TENM4: variants seen among roughly 807,000 people sequenced by gnomAD.
TENM4 encodes the protein teneurin transmembrane protein 4.
TENM4 carries 82 observed loss-of-function variants against 243.3 expected under a neutral mutation model. The observed-to-expected ratio is 0.34, with a 90% CI of 0.28 to 0.40. TENM4 has a LOEUF of 0.40. Among genes scored for constraint, TENM4 ranks in the 10% least tolerant of loss-of-function variants. TENM4 has a pLI of 1.00. For missense variants in TENM4, 3,138 were observed against 3,673.3 expected, an observed-to-expected ratio of 0.85 and a Z score of 3.77; for synonymous variants, 1,412 against 1,456.3, an observed-to-expected ratio of 0.97 and a Z score of 0.69.
At chr11:78,842,266 C>T (rs1235916239) in intron 12 of TENM4, among the ~76,000 whole-genome samples, 1 of 152,202 alleles carries the variant, frequency 6.6e-6, no homozygotes, top group Non-Finnish European at 1.5e-5. Context: ...AACTCAATGC[C>T]TCTCCCTTAC....
rs61213823 is a variant in TENM4, at chr11:79,298,119, A to G, written c.-320-576T>C. On this transcript the variant is annotated intron_variant, in intron 1 of 33. Coordinates refer to ENST00000278550, the MANE Select transcript of TENM4 (RefSeq NM_001098816.3). Reference sequence around the variant, plus strand: ...CCCATCCTTTTCATCAGTTTCTCCAAGGCCTTTCCAGGTGTGTGGTCAGGT... The same window carrying G: ...CCCATCCTTTTCATCAGTTTCTCCAGGGCCTTTCCAGGTGTGTGGTCAGGT... 1.7e-4 allele frequency among the ~76,000 whole-genome samples: 26 copies of G among 152,186 alleles called. No homozygotes were observed. The East Asian group carries it at 4.9e-3, about 28-fold the overall frequency.
chr11:78,721,319 C>T lies in TENM4; in HGVS notation c.3801-929G>A, dbSNP rs139926844. Among the ~76,000 whole-genome samples, 800 of 152,298 alleles carry T rather than the reference C, an allele frequency of 5.3e-3. 12 individuals are homozygous for T. The highest frequency in any genetic ancestry group is 0.018 in the African/African-American group (763 of 41,546). Reference sequence around the variant, plus strand: ...TATCTGATTTCCTATGAACCTACCGCGTGTGTGCTTGTCTGGCCCTGTGTG... The same window carrying T: ...TATCTGATTTCCTATGAACCTACCGTGTGTGTGCTTGTCTGGCCCTGTGTG... On this transcript the variant is annotated intron_variant, in intron 24 of 33. Coordinates refer to ENST00000278550, the MANE Select transcript of TENM4 (RefSeq NM_001098816.3).
At chr11:78,817,944 T>C (rs1386565188) in intron 12 of TENM4, among the ~76,000 whole-genome samples, 2 of 152,174 alleles carry the variant, frequency 1.3e-5, no homozygotes, top group African/African-American at 2.4e-5. Flanking sequence ...CTGGACATCT[T>C]ACACAGGCTA....
intron 5 of TENM4, 81 bp downstream of exon 5, chr11:79,069,641 G>T: frequency 6.8e-7 from 1 of 1,462,396 alleles, no homozygotes. Flanking sequence ...ACGCCCACCT[G>T]CGCCACGCCC....
At chr11:78,908,822 C>A (rs1856120107) in intron 6 of TENM4, among the ~76,000 whole-genome samples, 1 of 152,208 alleles carries the variant, frequency 6.6e-6, no homozygotes, top group South Asian at 2.1e-4. Context: ...GAAGGTGTGC[C>A]ATAAGGAGAA....
rs1038615102 is a variant in TENM4, at chr11:78,656,350, C to T, written c.*1708G>A. On this transcript the variant is annotated 3_prime_UTR_variant, in exon 34 of 34. Coordinates refer to ENST00000278550, the MANE Select transcript of TENM4 (RefSeq NM_001098816.3). ...CATAAAAGTTCCATTTTCTAAGAAGCCCAGCTTAAAAGGAAGCATTTGGCT... is the reference window on the plus strand; with the variant it reads ...CATAAAAGTTCCATTTTCTAAGAAGTCCAGCTTAAAAGGAAGCATTTGGCT... The T allele has an allele frequency of 3.9e-5, 6 of 152,224 alleles. No homozygotes were observed. The highest frequency in any genetic ancestry group is 8.8e-5 in the Non-Finnish European group (6 of 68,046). The allele number at this position is 152,224 out of a possible 1,614,324, so 9.4% of individuals were successfully genotyped here.
intron 6 of TENM4, among the ~76,000 whole-genome samples, chr11:78,920,942 A>G (rs1856434524): frequency 6.6e-6 from 1 of 152,084 alleles, no homozygotes; most frequent in African/African-American, 2.4e-5. Flanking sequence ...GCTCTGTGCT[A>G]GGTACTTTAA....
chr11:78,676,124 C>T (rs377484694), intron 30 of TENM4, 28 bp downstream of exon 30: 70 of 1,465,128 alleles, frequency 4.8e-5, no homozygotes, highest in Admixed American at 2.9e-4. Context: ...CCCCCCAGGA[C>T]GCAGCCACCT....
chr11:79,128,761 A>G (rs565041146), intron 4 of TENM4, among the ~76,000 whole-genome samples: 3 of 152,216 alleles, frequency 2.0e-5, no homozygotes, highest in Admixed American at 6.5e-5. Context: ...TGCACTTTGC[A>G]TGGAAGGAGA....
At chr11:78,781,907 C>T (rs1306045397) in intron 16 of TENM4, among the ~76,000 whole-genome samples, 1 of 152,206 alleles carries the variant, frequency 6.6e-6, no homozygotes, top group Non-Finnish European at 1.5e-5. Flanking sequence ...TCCCACCCCA[C>T]CACGTGTGGG....
At chr11:78,908,253 C>T (rs1856106433) in intron 6 of TENM4, among the ~76,000 whole-genome samples, 1 of 152,170 alleles carries the variant, frequency 6.6e-6, no homozygotes, top group Non-Finnish European at 1.5e-5. Flanking sequence ...GTCATCAAGT[C>T]ACTTACTTTC....
intron 9 of TENM4, among the ~76,000 whole-genome samples, chr11:78,887,187 C>A (rs377675058): frequency 5.9e-5 from 9 of 152,214 alleles, no homozygotes; most frequent in East Asian, 3.8e-4. Context: ...CCACACTCCT[C>A]AAATGCTTCA....
chr11:78,936,052 G>A (rs1856776289), intron 6 of TENM4, among the ~76,000 whole-genome samples: 1 of 152,232 alleles, frequency 6.6e-6, no homozygotes, highest in African/African-American at 2.4e-5. Context: ...TAAATGAGGT[G>A]TTACAGGTCT....
chr11:79,409,098 G>T (rs1858637402), intron 1 of TENM4, among the ~76,000 whole-genome samples: 1 of 97,078 alleles, frequency 1.0e-5, no homozygotes, highest in Admixed American at 9.5e-5. Context: ...GTGTGTGTGT[G>T]TGTGCGCGCG....
At chr11:78,862,589 C>T (rs1565411784) in intron 10 of TENM4, among the ~76,000 whole-genome samples, 1 of 152,106 alleles carries the variant, frequency 6.6e-6, no homozygotes, top group Non-Finnish European at 1.5e-5. Context: ...ATCTACCTGC[C>T]TCCCCATACC....
intron 15 of TENM4, among the ~76,000 whole-genome samples, chr11:78,796,186 A>G (rs1365053420): frequency 6.6e-6 from 1 of 152,146 alleles, no homozygotes; most frequent in Non-Finnish European, 1.5e-5. Context: ...CAAAGCACCT[A>G]CCACAGGAAG....
rs755560010 is a variant in TENM4 at position 78,786,943 on chromosome 11, T to G, written c.2320A>C (p.Lys774Gln). The G allele has an allele frequency of 4.1e-5, 66 of 1,606,754 alleles. 1 individual carries two copies. The highest frequency in any genetic ancestry group is 5.1e-5 in the Non-Finnish European group (60 of 1,176,954). Residue 774 changes from lysine to glutamine, a missense_variant, in exon 16 of 34, where the codon AAG (lysine) becomes CAG (glutamine). Transcript: ENST00000278550. ...TTCCAGCCAGGGCTGCACTCGCACT[T>G]GCCGTCGCGGCAGGTCCCATGCTCG... ...CAEHGTCRDG[K>Q]CECSPGWNGE... is the part of the protein sequence containing the mutation.
intron 4 of TENM4, among the ~76,000 whole-genome samples, chr11:79,130,442 G>A (rs1861979142): frequency 6.6e-6 from 1 of 150,638 alleles, no homozygotes; most frequent in South Asian, 2.1e-4. Context: ...GCTAATCAGG[G>A]AGGGACCAGA....
intron 6 of TENM4, among the ~76,000 whole-genome samples, chr11:79,064,184 G>A (rs1285329534): frequency 6.6e-6 from 1 of 152,080 alleles, no homozygotes; most frequent in Non-Finnish European, 1.5e-5. Context: ...CTGTGCAATG[G>A]ATTTCAAAAA....
Sources: allele counts gnomAD v4.1 joint callset (sites outside exome capture counted in the v4.1 genomes callset), GRCh38; gene constraint gnomAD v4.1.1; transcripts MANE v1.5; gene names NCBI Gene and HGNC (gene_info 2026-07-23, HGNC 2026-07-21).